Variants in DISC1 observed in about 807,000 individuals in gnomAD.
DISC1 encodes disrupted in schizophrenia 1 protein.
In DISC1, 57 loss-of-function variants were observed where a neutral mutation model predicts 84.5. The observed-to-expected ratio is 0.67, with a 90% CI of 0.55 to 0.84. The LOEUF (loss-of-function observed/expected upper bound fraction) is 0.84, where lower values mean the gene tolerates loss of function less well. Among genes scored for constraint, DISC1 ranks in the 40% least tolerant of loss-of-function variants. The pLI is 0.00. For synonymous variants in DISC1, 411 were observed against 415.2 expected (o/e 0.99, Z 0.12); for missense variants, 1,000 against 1,057.8 (o/e 0.95, Z 0.76).
intron 1 of DISC1, among the ~76,000 whole-genome samples, chr1:231,659,409 A>AT (rs1165107141): frequency 6.6e-6 from 1 of 150,492 alleles, no homozygotes; most frequent in African/African-American, 2.4e-5. Flanking sequence ...CTATTTTATT[A>AT]TTTTTTTCAA....
intron 9 of DISC1, among the ~76,000 whole-genome samples, chr1:231,856,989 G>A (rs1030679993): frequency 6.6e-6 from 1 of 152,322 alleles, no homozygotes; most frequent in Admixed American, 6.5e-5. Context: ...TCCACAGCGA[G>A]GTGCTCAGGG....
At chr1:231,802,890 A>G (rs114772227) in intron 8 of DISC1, among the ~76,000 whole-genome samples, 1,942 of 151,818 alleles carry the variant, frequency 0.013, 44 homozygotes, top group African/African-American at 0.045. Flanking sequence ...TCTATCCTTC[A>G]CGGAGGCCCA....
intron 9 of DISC1, among the ~76,000 whole-genome samples, chr1:231,923,312 A>C (rs1162757497): frequency 1.3e-5 from 2 of 151,134 alleles, no homozygotes; most frequent in Non-Finnish European, 3.0e-5. Flanking sequence ...AAAACCAAAA[A>C]AAAAAACAAA....
intron 11 of DISC1, among the ~76,000 whole-genome samples, chr1:232,025,232 G>A (rs1572675226): frequency 6.6e-6 from 1 of 152,194 alleles, no homozygotes; most frequent in Non-Finnish European, 1.5e-5. Context: ...TCAGAGAAGA[G>A]TGGGGAAGAA....
Position 232,038,623 on chromosome 1 carries a change from T to G in DISC1, c.*1792T>G, listed in dbSNP as rs1220291770. On this transcript the variant is annotated 3_prime_UTR_variant, in exon 13 of 13. Transcript: ENST00000439617. Reference sequence around the variant, plus strand: ...TATTCATATCCCATAGATCTAGTATTGTACAGCACTGCATTCTCTGAGGAA... The same window carrying G: ...TATTCATATCCCATAGATCTAGTATGGTACAGCACTGCATTCTCTGAGGAA... 6.6e-6 allele frequency: 1 copy of G among 152,168 alleles called. No individual in the cohort carries two copies. Among genetic ancestry groups the G allele is most frequent in the Non-Finnish European group, 1.5e-5 (1 of 68,028 alleles). 9.4% of individuals were successfully genotyped at this position (152,168 alleles called of 1,614,324 possible).
intron 3 of DISC1, among the ~76,000 whole-genome samples, chr1:231,748,974 G>A (rs1197028908): frequency 6.6e-6 from 1 of 152,164 alleles, no homozygotes; most frequent in Non-Finnish European, 1.5e-5. Context: ...AAGGACTGTA[G>A]GTGTTTGCTC....
chr1:231,735,747 A>G (rs779360136), intron 3 of DISC1, among the ~76,000 whole-genome samples: 1 of 152,246 alleles, frequency 6.6e-6, no homozygotes, highest in Middle Eastern at 3.2e-3. Flanking sequence ...AGCAGTGCTC[A>G]TAAAATTGTT....
chr1:231,702,240 A>T (rs2066515525), intron 3 of DISC1: 12 of 1,265,956 alleles, frequency 9.5e-6, no homozygotes, highest in Non-Finnish European at 1.2e-5. Context: ...ATATAACCTT[A>T]TCAATTGTCC....
intron 10 of DISC1, among the ~76,000 whole-genome samples, chr1:231,986,163 G>A (rs1425289050): frequency 6.6e-6 from 1 of 152,186 alleles, no homozygotes; most frequent in Non-Finnish European, 1.5e-5. Context: ...CGCACAGAGA[G>A]GGTGATACAC....
chr1:231,995,592 T>G, intron 10 of DISC1, among the ~76,000 whole-genome samples: 1 of 152,200 alleles, frequency 6.6e-6, no homozygotes, highest in African/African-American at 2.4e-5. Flanking sequence ...CATGCGGTGT[T>G]TGGTTTTTTG....
intron 9 of DISC1, among the ~76,000 whole-genome samples, chr1:231,859,885 G>A (rs551110416): frequency 3.3e-5 from 5 of 152,076 alleles, no homozygotes; most frequent in South Asian, 2.1e-4. Context: ...TGAGCTTTTC[G>A]TTGGGGCTCC....
chr1:231,785,628 G>A (rs1239831609), intron 6 of DISC1, among the ~76,000 whole-genome samples: 2 of 152,010 alleles, frequency 1.3e-5, no homozygotes, highest in Non-Finnish European at 1.5e-5. Context: ...CCCAAGTGGC[G>A]CCTGTGCTAA....
chr1:231,779,381 A>C (rs1028946542), intron 6 of DISC1, among the ~76,000 whole-genome samples: 8 of 152,142 alleles, frequency 5.3e-5, no homozygotes, highest in African/African-American at 1.7e-4. Flanking sequence ...TTTTACATAG[A>C]GGGCCTAATT....
At chr1:231,980,129 C>A (rs909322457) in intron 10 of DISC1, among the ~76,000 whole-genome samples, 2 of 152,216 alleles carry the variant, frequency 1.3e-5, no homozygotes, top group African/African-American at 4.8e-5. Flanking sequence ...TACCTTCCAT[C>A]TATAGAGAAC....
chr1:232,025,441 A>G (rs1322935599), intron 11 of DISC1, among the ~76,000 whole-genome samples: 2 of 152,150 alleles, frequency 1.3e-5, no homozygotes, highest in African/African-American at 4.8e-5. Flanking sequence ...TTTCTGGCTC[A>G]TAGAAATAAG....
intron 4 of DISC1, among the ~76,000 whole-genome samples, chr1:231,766,756 A>G (rs375785891): frequency 2.6e-5 from 4 of 152,250 alleles, no homozygotes; most frequent in African/African-American, 7.2e-5. Context: ...ATCTCAACAT[A>G]TAATGAACTT....
At chr1:231,711,268 T>C (rs1248097444) in intron 3 of DISC1, among the ~76,000 whole-genome samples, 1 of 151,392 alleles carries the variant, frequency 6.6e-6, no homozygotes, top group Admixed American at 6.6e-5. Context: ...GAATAAAACA[T>C]AAATAGTACA....
chr1:231,730,774 G>A (rs905422668), intron 3 of DISC1, among the ~76,000 whole-genome samples: 1 of 152,114 alleles, frequency 6.6e-6, no homozygotes, highest in Non-Finnish European at 1.5e-5. Flanking sequence ...AGTTTTCAGT[G>A]CACAGAATTG....
At chr1:231,812,526 A>T (rs1179199908) in intron 8 of DISC1, among the ~76,000 whole-genome samples, 1 of 152,240 alleles carries the variant, frequency 6.6e-6, no homozygotes, top group Non-Finnish European at 1.5e-5. Context: ...GAAAATGGCA[A>T]ATTCTAGCTG....
Sources: gnomAD v4.1 joint callset for allele counts (sites outside exome capture counted in the v4.1 genomes callset) on GRCh38, gnomAD v4.1.1 for gene constraint, MANE v1.5 for transcripts, NCBI Gene and HGNC (gene_info 2026-07-23, HGNC 2026-07-21) for gene names.